EPS15: variants seen among roughly 807,000 people sequenced by gnomAD.
EPS15 encodes the protein epidermal growth factor receptor substrate 15.
Under a neutral mutation model 113.8 loss-of-function variants are expected in EPS15, and 72 were observed. The observed-to-expected ratio is 0.63, with a 90% confidence interval of 0.52 to 0.77. The LOEUF is 0.77. Ranked by LOEUF, EPS15 falls within the 30% of genes least tolerant of loss-of-function variation. The pLI is 0.00. For synonymous variants in EPS15, 344 were observed against 363.4 expected (o/e 0.95, Z 0.61); for missense variants, 1,048 against 1,045.8 (o/e 1.00, Z -0.03).
chr1:51,421,249 T>C (rs1219208432), intron 13 of EPS15, among the ~76,000 whole-genome samples: 2 of 152,184 alleles, frequency 1.3e-5, no homozygotes, highest in African/African-American at 4.8e-5. Context: ...AAGCTCTTTA[T>C]GCCAAAGTTT....
chr1:51,404,523 G>C (rs1468172168), intron 16 of EPS15, among the ~76,000 whole-genome samples: 3 of 152,260 alleles, frequency 2.0e-5, no homozygotes, highest in Middle Eastern at 6.8e-3. Context: ...AATCGAGTCT[G>C]TTAACTTTTC....
intron 1 of EPS15, among the ~76,000 whole-genome samples, chr1:51,486,523 T>C (rs1273721770): frequency 6.6e-6 from 1 of 152,090 alleles, no homozygotes; most frequent in Non-Finnish European, 1.5e-5. Context: ...GGACAACTTA[T>C]TTGTATCAAA....
At chr1:51,365,429 G>A (rs888990731) in intron 22 of EPS15, among the ~76,000 whole-genome samples, 1 of 152,148 alleles carries the variant, frequency 6.6e-6, no homozygotes, top group Non-Finnish European at 1.5e-5. Flanking sequence ...CCTCAGTTGA[G>A]AACCAAGGAA....
In EPS15 at chr1:51,423,104, G is replaced by A. The variant is rs556420695; in HGVS notation, c.1041-1246C>T. 1.6e-5 allele frequency: 13 copies of A among 796,210 alleles called. No homozygotes were observed. The South Asian group carries it at 2.0e-4, about 12-fold the overall frequency. 49.3% of individuals were successfully genotyped at this position (796,210 alleles called of 1,614,324 possible). On this transcript the variant is annotated intron_variant, in intron 12 of 24. Coordinates refer to ENST00000371733, the MANE Select transcript of EPS15 (RefSeq NM_001981.3). The stretch of plus-strand genomic sequence containing the variant: ...GACAAAAATCAACTGTTTTGGATAC[G>A]TAGGCACAATGTTCTTAAGATGTCT...
chr1:51,449,533 C>T (rs1330884929), intron 8 of EPS15, among the ~76,000 whole-genome samples: 1 of 149,190 alleles, frequency 6.7e-6, no homozygotes, highest in Non-Finnish European at 1.5e-5. Flanking sequence ...ATGCAATTTA[C>T]CTATATAACA....
intron 12 of EPS15, among the ~76,000 whole-genome samples, chr1:51,439,408 T>A (rs1322981182): frequency 1.3e-5 from 2 of 151,998 alleles, no homozygotes; most frequent in African/African-American, 4.8e-5. Flanking sequence ...ACTCATTTAA[T>A]CTCCTTATAT....
rs536991481 is a variant in EPS15, at chr1:51,500,724, T to C, written c.33+18475A>G. ...TGTAGGTCGGGTGCAGTGGCTCACG[T>C]CTGTAATCCCAGCACTTTGGGAGGC... On this transcript the variant is annotated intron_variant, in intron 1 of 24. Coordinates refer to ENST00000371733, the MANE Select transcript of EPS15 (RefSeq NM_001981.3). Among the ~76,000 whole-genome samples, 3 of 152,046 alleles carry C rather than the reference T, an allele frequency of 2.0e-5. No individual in the cohort carries two copies. The East Asian group carries it at 5.8e-4, about 29-fold the overall frequency.
chr1:51,478,279 C>T (rs2148519225), intron 2 of EPS15, among the ~76,000 whole-genome samples: 1 of 152,284 alleles, frequency 6.6e-6, no homozygotes, highest in Non-Finnish European at 1.5e-5. Flanking sequence ...ATTGCAACCC[C>T]TGCTTTTTTT....
intron 1 of EPS15, among the ~76,000 whole-genome samples, chr1:51,513,315 T>C (rs1312409597): frequency 6.6e-6 from 1 of 152,064 alleles, no homozygotes; most frequent in Non-Finnish European, 1.5e-5. Flanking sequence ...GTAAAATAAA[T>C]AACAGTAAGT....
chr1:51,442,676 A>G (rs1652685029), intron 11 of EPS15, among the ~76,000 whole-genome samples: 1 of 152,202 alleles, frequency 6.6e-6, no homozygotes, highest in Non-Finnish European at 1.5e-5. Flanking sequence ...TAAAATGCAC[A>G]CAAGGACCAA....
chr1:51,435,198 C>A (rs7532090), intron 12 of EPS15, among the ~76,000 whole-genome samples: 45,401 of 150,300 alleles, frequency 0.3, 9,119 homozygotes, highest in African/African-American at 0.57. Context: ...TTTCTTTTTT[C>A]TTTTTTTGAG....
At chr1:51,399,630 A>G (rs1285972220) in intron 19 of EPS15, among the ~76,000 whole-genome samples, 3 of 152,010 alleles carry the variant, frequency 2.0e-5, no homozygotes, top group Non-Finnish European at 4.4e-5. Flanking sequence ...AGGTTGAGGT[A>G]GACGGATGAC....
At chr1:51,376,203 T>G (rs1417144509) in intron 21 of EPS15, among the ~76,000 whole-genome samples, 1 of 152,226 alleles carries the variant, frequency 6.6e-6, no homozygotes, top group East Asian at 1.9e-4. Flanking sequence ...AAGCCAATGC[T>G]CATTGACCAT....
chr1:51,462,360 T>C (rs1334879621), intron 7 of EPS15, among the ~76,000 whole-genome samples: 1 of 137,212 alleles, frequency 7.3e-6, no homozygotes, highest in African/African-American at 2.8e-5. Flanking sequence ...CTAAAATCCA[T>C]CTCAAAAAAA....
intron 1 of EPS15, among the ~76,000 whole-genome samples, chr1:51,499,304 T>A (rs1013556522): frequency 6.6e-6 from 1 of 152,266 alleles, no homozygotes; most frequent in African/African-American, 2.4e-5. Flanking sequence ...CTTCATGTTG[T>A]AGCATGTATG....
chr1:51,515,464 C>G (rs1465515249), intron 1 of EPS15, among the ~76,000 whole-genome samples: 1 of 151,356 alleles, frequency 6.6e-6, no homozygotes, highest in Non-Finnish European at 1.5e-5. Flanking sequence ...AGAGTGTGAT[C>G]CTGTCTCAAA....
chr1:51,389,098 C>T (rs1647185386), intron 21 of EPS15, among the ~76,000 whole-genome samples: 1 of 152,192 alleles, frequency 6.6e-6, no homozygotes, highest in African/African-American at 2.4e-5. Context: ...AATCCAGCAG[C>T]ACATCAAAAA....
At chr1:51,398,314 A>G (rs1243865258) in intron 20 of EPS15, among the ~76,000 whole-genome samples, 1 of 152,128 alleles carries the variant, frequency 6.6e-6, no homozygotes, top group Non-Finnish European at 1.5e-5. Flanking sequence ...CAGCCTCCCA[A>G]AGTGCTGGGA....
intron 12 of EPS15, among the ~76,000 whole-genome samples, chr1:51,438,349 A>G (rs1652320534): frequency 6.6e-6 from 1 of 152,194 alleles, no homozygotes; most frequent in Non-Finnish European, 1.5e-5. Flanking sequence ...GCCATTTACT[A>G]TATAAGACTG....
Sources: gnomAD v4.1 joint callset for allele counts (sites outside exome capture counted in the v4.1 genomes callset) on GRCh38, gnomAD v4.1.1 for gene constraint, MANE v1.5 for transcripts, NCBI Gene and HGNC (gene_info 2026-07-23, HGNC 2026-07-21) for gene names.